The following SPOCK3 variants were observed in gnomAD, a reference collection of about 807,000 sequenced individuals.
SPOCK3 encodes the protein testican-3.
SPOCK3 carries 30 observed loss-of-function variants against 56.6 expected under a neutral mutation model. That is an observed-to-expected ratio of 0.53 (90% CI 0.40 to 0.72). The LOEUF is 0.72. Among genes scored for constraint, SPOCK3 ranks in the 30% least tolerant of loss-of-function variants. SPOCK3 has a pLI of 0.00. For missense variants in SPOCK3, 527 were observed against 530.0 expected (o/e 0.99, Z 0.06); for synonymous variants, 196 against 183.3 (o/e 1.07, Z -0.56).
chr4:166,955,934 C>A (rs184502724), intron 4 of SPOCK3, among the ~76,000 whole-genome samples: 8 of 152,088 alleles, frequency 5.3e-5, no homozygotes, highest in African/African-American at 1.7e-4. Context: ...CACCATCCTT[C>A]CTCTTTACAG....
chr4:166,847,647 T>TTATATGTATATATATA (rs1748206941), intron 6 of SPOCK3, among the ~76,000 whole-genome samples: 2 of 55,368 alleles, frequency 3.6e-5, no homozygotes, highest in Non-Finnish European at 8.2e-5. Flanking sequence ...AAATCCTAGT[T>TTATATGTATATATATA]TATATATATA....
chr4:166,778,689 C>A (rs540550576), intron 7 of SPOCK3, among the ~76,000 whole-genome samples: 1 of 151,790 alleles, frequency 6.6e-6, no homozygotes, highest in Admixed American at 6.6e-5. Flanking sequence ...TCTTATAGAA[C>A]CAGCACTGCT....
chr4:166,768,938 G>C (rs1738525802), intron 7 of SPOCK3, among the ~76,000 whole-genome samples: 1 of 151,968 alleles, frequency 6.6e-6, no homozygotes. Context: ...TCATTCATTT[G>C]ATCTTCCATC....
At chr4:166,992,231 T>G (rs1747869426) in intron 4 of SPOCK3, among the ~76,000 whole-genome samples, 1 of 152,106 alleles carries the variant, frequency 6.6e-6, no homozygotes, top group Admixed American at 6.6e-5. Flanking sequence ...CTGAGTGGTC[T>G]GCGGAGGAAA....
intron 5 of SPOCK3, among the ~76,000 whole-genome samples, chr4:166,900,157 T>G (rs1735883740): frequency 6.6e-6 from 1 of 152,194 alleles, no homozygotes; most frequent in African/African-American, 2.4e-5. Context: ...ACCAGCTGTC[T>G]CTGACAGCAT....
chr4:166,809,891 C>A (rs1283130983), intron 6 of SPOCK3, among the ~76,000 whole-genome samples: 1 of 152,082 alleles, frequency 6.6e-6, no homozygotes, highest in Non-Finnish European at 1.5e-5. Context: ...ACTCTGTAAT[C>A]ATGTATGAGC....
chr4:166,856,523 C>T (rs1381838885), intron 6 of SPOCK3, among the ~76,000 whole-genome samples: 1 of 152,060 alleles, frequency 6.6e-6, no homozygotes, highest in Non-Finnish European at 1.5e-5. Flanking sequence ...CAGCTGTAAT[C>T]CCAGTACTTT....
At position 167,077,612 on chromosome 4, in the gene SPOCK3, G is replaced by A. The variant is rs535907879; in HGVS notation, c.190-15075C>T. 2.0e-5 allele frequency among the ~76,000 whole-genome samples: 3 copies of A among 151,836 alleles called. 1 individual carries two copies. In the East Asian group the frequency reaches 5.9e-4, roughly 30 times the overall value. On this transcript the variant is annotated intron_variant, in intron 2 of 10. Coordinates refer to ENST00000357545, the MANE Select transcript of SPOCK3 (RefSeq NM_001040159.2). ...TCCCTGTTCCTTCTTTTGAATAAAA[G>A]AAAAAGAATGATTTTCTAATGTGGC...
intron 2 of SPOCK3, among the ~76,000 whole-genome samples, chr4:167,186,567 C>T (rs919046030): frequency 6.6e-6 from 1 of 152,018 alleles, no homozygotes; most frequent in African/African-American, 2.4e-5. Flanking sequence ...GCGGAGGTTG[C>T]AGTGAGCCGA....
chr4:167,107,848 C>T (rs1760304954), intron 2 of SPOCK3, among the ~76,000 whole-genome samples: 2 of 151,654 alleles, frequency 1.3e-5, no homozygotes, highest in Admixed American at 1.3e-4. Flanking sequence ...TTTAAAATAG[C>T]CACACATAAA....
At chr4:167,229,318 T>C (rs1324519517) in intron 2 of SPOCK3, among the ~76,000 whole-genome samples, 1 of 152,148 alleles carries the variant, frequency 6.6e-6, no homozygotes, top group Non-Finnish European at 1.5e-5. Flanking sequence ...AGTATGCCTG[T>C]AACTCAAGAA....
At chr4:166,972,189 A>G (rs1400373197) in intron 4 of SPOCK3, among the ~76,000 whole-genome samples, 2 of 152,168 alleles carry the variant, frequency 1.3e-5, no homozygotes, top group African/African-American at 2.4e-5. Flanking sequence ...TAGCAGATTG[A>G]TAGCACAAAT....
chr4:166,845,879 G>A (rs575113517), intron 6 of SPOCK3, among the ~76,000 whole-genome samples: 2 of 152,056 alleles, frequency 1.3e-5, no homozygotes, highest in Non-Finnish European at 2.9e-5. Flanking sequence ...TGGTCCTTTC[G>A]TGAACATCAC....
intron 2 of SPOCK3, among the ~76,000 whole-genome samples, chr4:167,176,368 C>T (rs1220584864): frequency 1.3e-5 from 2 of 152,128 alleles, no homozygotes; most frequent in Non-Finnish European, 2.9e-5. Context: ...ACGGAAGCAA[C>T]CAGCTAAGCA....
chr4:166,996,982 C>G (rs1748448888), intron 4 of SPOCK3, among the ~76,000 whole-genome samples: 1 of 152,138 alleles, frequency 6.6e-6, no homozygotes, highest in South Asian at 2.1e-4. Context: ...GTTTAAATAT[C>G]CTTCTTGAAC....
chr4:167,217,387 T>TA (rs1580659473), intron 2 of SPOCK3, among the ~76,000 whole-genome samples: 1 of 152,014 alleles, frequency 6.6e-6, no homozygotes, highest in Admixed American at 6.6e-5. Context: ...TATTTTTTCC[T>TA]AAAAAATACA....
intron 6 of SPOCK3, among the ~76,000 whole-genome samples, chr4:166,795,530 C>G (rs1253261069): frequency 6.6e-6 from 1 of 151,954 alleles, no homozygotes; most frequent in African/African-American, 2.4e-5. Flanking sequence ...CAATAATTAA[C>G]CGATTTACTT....
chr4:167,095,209 T>C (rs1456430268), intron 2 of SPOCK3, among the ~76,000 whole-genome samples: 1 of 152,112 alleles, frequency 6.6e-6, no homozygotes, highest in Admixed American at 6.6e-5. Context: ...ACCAAATATC[T>C]GGGAACCCTC....
At chr4:167,229,443 A>C (rs1385513) in intron 2 of SPOCK3, among the ~76,000 whole-genome samples, 35,271 of 151,962 alleles carry the variant, frequency 0.23, 4,854 homozygotes, top group African/African-American at 0.38. Context: ...TATTTGGAGT[A>C]GACATAGAAA....
Sources: allele counts gnomAD v4.1 joint callset (sites outside exome capture counted in the v4.1 genomes callset), GRCh38; gene constraint gnomAD v4.1.1; transcripts MANE v1.5; gene names NCBI Gene and HGNC (gene_info 2026-07-23, HGNC 2026-07-21).